Variants in HRNR observed in about 807,000 individuals in gnomAD.
HRNR encodes the protein filaggrin family member 3.
HRNR carries 7 observed loss-of-function variants against 4.8 expected under a neutral mutation model. That is an observed-to-expected ratio of 1.47 (90% CI 0.83 to 2.75). The LOEUF (loss-of-function observed/expected upper bound fraction) is 2.75. Among genes scored for constraint, HRNR ranks in the 30% most tolerant of loss-of-function variants. The pLI is 0.00. For missense variants in HRNR, 2,879 were observed against 3,010.4 expected (o/e 0.96, Z 1.02); for synonymous variants, 1,023 against 1,242.7 (o/e 0.82, Z 3.72).
In HRNR at chr1:152,212,914, A is replaced by G; in HGVS notation, c.*162T>C. The G allele has an allele frequency of 1.0e-6, 1 of 954,902 alleles. No homozygotes were observed. Among genetic ancestry groups the G allele is most frequent in the South Asian group, 1.8e-5 (1 of 55,666 alleles). The allele number at this position is 954,902 out of a possible 1,614,324, so 59.2% of individuals were successfully genotyped here. ...TCTTTGGAAGGAACCCCATAACAAG[A>G]TATATGCTACAGTTTTAGGCTCTAA... On this transcript the variant is annotated 3_prime_UTR_variant, in exon 3 of 3. Transcript: ENST00000368801.
rs201963229 is a variant in HRNR, at chr1:152,219,194, C to T, written c.2435G>A (p.Gly812Asp). The change falls in exon 3 of 3, where the codon GGC becomes GAC. Residue 812 changes from glycine to aspartate, a missense_variant. Physicochemically the swap from Gly to Asp is moderately conservative, Grantham distance 94 (BLOSUM62 -1). This residue lies in a region of HRNR where 2,646 missense variants were observed against 1,377.7 expected (regional missense o/e 1.92). Coordinates refer to ENST00000368801, the MANE Select transcript of HRNR (RefSeq NM_001009931.3). ...GTGTTGCCCAAAACCAGAAGCCTGG[C>T]CTGAGCCAGACTCATAATGGCCACA... is the stretch of plus-strand genomic sequence containing the variant. Reference protein sequence around the residue: ...SSCGHYESGSGQASGFGQHES... With the variant: ...SSCGHYESGSDQASGFGQHES... The T allele has an allele frequency of 3.1e-6, 5 of 1,613,908 alleles. No homozygotes were observed. Among genetic ancestry groups the T allele is most frequent in the Middle Eastern group, 3.3e-4 (2 of 6,084 alleles).
chr1:152,220,794 A>T lies in HRNR; in HGVS notation c.835T>A (p.Ser279Thr), dbSNP rs1439180765. 1 of 1,613,396 alleles carries T rather than the reference A, an allele frequency of 6.2e-7. No individual in the cohort carries two copies. Among genetic ancestry groups the T allele is most frequent in the Non-Finnish European group, 8.5e-7 (1 of 1,179,892 alleles). ...RGERHRSSSG[S>T]SSSYGQHGSG... ...CCATGCTGACCATAGCTGGAAGACG[A>T]ACCTGAGCTAGATCTGTGTCGTTCA... Residue 279 changes from serine to threonine, a missense_variant, in exon 3 of 3, where the codon TCG (serine) becomes ACG (threonine). By Grantham distance (58) the Ser-to-Thr change is moderately conservative (BLOSUM62 1). Around this residue, in one of 8 missense-constraint regions of HRNR, gnomAD observed 2,646 missense variants for 1,377.7 expected, o/e 1.92. Transcript: ENST00000368801.
Position 152,213,165 on chromosome 1 carries a change from C to G in HRNR, c.8464G>C (p.Gly2822Arg). The G allele has an allele frequency of 6.2e-7, 1 of 1,614,028 alleles. No homozygotes were observed. Among genetic ancestry groups the G allele is most frequent in the Non-Finnish European group, 8.5e-7 (1 of 1,180,040 alleles). The change falls in exon 3 of 3, where the codon GGA becomes CGA. Residue 2822 changes from glycine (G) to arginine (R), a missense_variant. Around this residue, in one of 8 missense-constraint regions of HRNR, gnomAD observed 158 missense variants for 107.6 expected, o/e 1.47. Transcript: ENST00000368801. ...CTGAGAAAATATGAGCCAGAACTTC[C>G]CCCATCATGGTTACTTCCTCCTTTG... is the stretch of plus-strand genomic sequence containing the variant. ...YCKGGSNHDG[G>R]SSGSYFLSFP...
In HRNR at chr1:152,221,361, C is replaced by T. The variant is rs1199438294; in HGVS notation, c.268G>A (p.Gly90Ser). 2 of 1,613,944 alleles carry T rather than the reference C, an allele frequency of 1.2e-6. No individual in the cohort carries two copies. The highest frequency in any genetic ancestry group is 1.7e-6 in the Non-Finnish European group (2 of 1,180,022). ...CCTGAAACTTGGCAGTAATCTTTGC[C>T]AATGATTTTATTACGAGCCTGAACC... is the stretch of plus-strand genomic sequence containing the variant. ...KLVQARNKIIGKDYCQVSGSK... is the reference protein window; with the variant it reads ...KLVQARNKIISKDYCQVSGSK... The change falls in exon 3 of 3, where the codon GGC (glycine) becomes AGC (serine). Residue 90 changes from glycine to serine, a missense_variant. Transcript: ENST00000368801.
intron 1 of HRNR, 93 bp from the exon 2 acceptor site, chr1:152,223,371 G>C: frequency 1.4e-6 from 1 of 710,458 alleles, no homozygotes; most frequent in Non-Finnish European, 2.1e-6. Context: ...TAATTGTTCA[G>C]AATTAGTCAG....
chr1:152,218,947 G>A lies in HRNR; in HGVS notation c.2682C>T (p.Gly894=). 2.5e-6 allele frequency: 4 copies of A among 1,613,914 alleles called. No homozygotes were observed. The highest frequency in any genetic ancestry group is 2.2e-5 in the East Asian group (1 of 44,876). Residue 894 remains glycine (G), a synonymous_variant, in exon 3 of 3, where the codon GGC becomes GGT. Coordinates refer to ENST00000368801, the MANE Select transcript of HRNR (RefSeq NM_001009931.3). The stretch of plus-strand genomic sequence containing the variant: ...ACTGCCCTGACCCAGACCCACGCTG[G>A]CCGTGGCCTGGAGACTGGCCAGATC... ...GSGSGQSPGH[G]QRGSGSGQSP...
chr1:152,220,147 G>A lies in HRNR; in HGVS notation c.1482C>T (p.His494=), dbSNP rs77355406. The part of the protein sequence containing the change: ...GSGHSSGHGQ[H]GSRSGQSSRG... ...TAGATGACTGTCCTGACCTAGAGCC[G>A]TGTTGTCCGTGGCCGGAGGAGTGAC... The change falls in exon 3 of 3, where the codon CAC becomes CAT. Residue 494 remains histidine (H), a synonymous_variant. Transcript: ENST00000368801. 38 of 1,613,226 alleles carry A rather than the reference G, an allele frequency of 2.4e-5. No individual in the cohort carries two copies. Among genetic ancestry groups the A allele is most frequent in the East Asian group, 1.8e-4 (8 of 44,838 alleles).
In HRNR at chr1:152,221,052, C is replaced by T. The variant is rs145132244; in HGVS notation, c.577G>A (p.Gly193Ser). 122 of 1,613,382 alleles carry T rather than the reference C, an allele frequency of 7.6e-5. No homozygotes were observed. Among genetic ancestry groups the T allele is most frequent in the East Asian group, 6.9e-4 (31 of 44,864 alleles). ...NSDSHQSSGR[G>S]QCGSGSGQSP... is the part of the protein sequence containing the mutation. ...TGCCCTGACCCAGACCCACATTGGC[C>T]GCGGCCTGAAGACTGATGGGAGTCG... Residue 193 changes from glycine to serine, a missense_variant, in exon 3 of 3, where the codon GGC becomes AGC. Physicochemically the swap from Gly to Ser is moderately conservative, Grantham distance 56. Around this residue, in one of 8 missense-constraint regions of HRNR, gnomAD observed 2,646 missense variants for 1,377.7 expected, o/e 1.92. Transcript: ENST00000368801.
At position 152,221,247 on chromosome 1, in the gene HRNR, T is replaced by C; in HGVS notation, c.382A>G (p.Ser128Gly). The change falls in exon 3 of 3, where the codon AGT (serine) becomes GGT (glycine). Residue 128 changes from serine to glycine, a missense_variant. By Grantham distance (56) the Ser-to-Gly change is moderately conservative. Coordinates refer to ENST00000368801, the MANE Select transcript of HRNR (RefSeq NM_001009931.3). ...TCTCCTGCACTCCAACTTGAATGAC[T>C]AAAAGAGGATTCTTGCCGTTTGTTC... ...EENKRQESSF[S>G]HSSWSAGEND... 6.2e-7 allele frequency: 1 copy of C among 1,614,138 alleles called. No homozygotes were observed. Among genetic ancestry groups the C allele is most frequent in the Non-Finnish European group, 8.5e-7 (1 of 1,180,032 alleles).
intron 2 of HRNR, among the ~76,000 whole-genome samples, chr1:152,222,716 T>C (rs1338998861): frequency 6.6e-6 from 1 of 152,218 alleles, no homozygotes; most frequent in Non-Finnish European, 1.5e-5. Context: ...GAGTCTGATA[T>C]AAGGTCCCAA....
chr1:152,223,467 A>C (rs1649069587), intron 1 of HRNR, among the ~76,000 whole-genome samples, 189 bp from the exon 2 acceptor site: 7 of 152,224 alleles, frequency 4.6e-5, no homozygotes, highest in Admixed American at 4.6e-4. Context: ...GAGTGATGAA[A>C]TTAGGAATAT....
chr1:152,213,134 G>C lies in HRNR; in HGVS notation c.8495C>G (p.Pro2832Arg). The C allele has an allele frequency of 6.2e-7, 1 of 1,613,960 alleles. No homozygotes were observed. Among genetic ancestry groups the C allele is most frequent in the African/African-American group, 1.3e-5 (1 of 75,044 alleles). ...GSSGSYFLSFPSSTSPYEYVQ... is the reference protein window; with the variant it reads ...GSSGSYFLSFRSSTSPYEYVQ... ...ATATTCATAGGGTGAAGTGCTACTA[G>C]GAAAACTGAGAAAATATGAGCCAGA... Residue 2832 changes from proline to arginine, a missense_variant, in exon 3 of 3, where the codon CCT (proline) becomes CGT (arginine). Coordinates refer to ENST00000368801, the MANE Select transcript of HRNR (RefSeq NM_001009931.3).
At position 152,219,413 on chromosome 1, in the gene HRNR, C is replaced by G; in HGVS notation, c.2216G>C (p.Ser739Thr). 2 of 1,614,054 alleles carry G rather than the reference C, an allele frequency of 1.2e-6. No homozygotes were observed. Among genetic ancestry groups the G allele is most frequent in the Non-Finnish European group, 8.5e-7 (1 of 1,180,004 alleles). ...ACCTGAGCTAGATCCGTGTTGTTCA[C>G]TCCTAGATGACTGTCCTGACCTAGA... is the stretch of plus-strand genomic sequence containing the variant. The part of the protein sequence containing the change: ...HGSRSGQSSR[S>T]EQHGSSSGLS... The change falls in exon 3 of 3, where the codon AGT becomes ACT. Residue 739 changes from serine (S) to threonine (T), a missense_variant. This residue lies in a region of HRNR where 2,646 missense variants were observed against 1,377.7 expected (regional missense o/e 1.92). Coordinates refer to ENST00000368801, the MANE Select transcript of HRNR (RefSeq NM_001009931.3).
chr1:152,218,962 C>G lies in HRNR; in HGVS notation c.2667G>C (p.Gln889His), dbSNP rs771978471. ...ACCCACGCTGGCCGTGGCCTGGAGA[C>G]TGGCCAGATCCAGAGCCATGTCGGC... is the stretch of plus-strand genomic sequence containing the variant. ...GRGRHGSGSG[Q>H]SPGHGQRGSG... The change falls in exon 3 of 3, where the codon CAG becomes CAC. Residue 889 changes from glutamine to histidine, a missense_variant. Physicochemically the swap from Gln to His is conservative, Grantham distance 24. This residue lies in a region of HRNR where 2,646 missense variants were observed against 1,377.7 expected (regional missense o/e 1.92). Coordinates refer to ENST00000368801, the MANE Select transcript of HRNR (RefSeq NM_001009931.3). 16 of 1,613,814 alleles carry G rather than the reference C, an allele frequency of 9.9e-6. 1 individual carries two copies. The highest frequency in any genetic ancestry group is 8.8e-5 in the South Asian group (8 of 91,014).
intron 2 of HRNR, among the ~76,000 whole-genome samples, chr1:152,222,408 C>T (rs1649029648): frequency 6.6e-6 from 1 of 152,078 alleles, no homozygotes; most frequent in Non-Finnish European, 1.5e-5. Context: ...GCATCCAATG[C>T]TGAGAGTAGA....
Position 152,221,428 on chromosome 1 carries a change from C to A in HRNR, c.201G>T (p.Lys67Asn). 3 of 1,613,414 alleles carry A rather than the reference C, an allele frequency of 1.9e-6. No individual in the cohort carries two copies. Among genetic ancestry groups the A allele is most frequent in the Non-Finnish European group, 2.5e-6 (3 of 1,179,702 alleles). ...ILQSLDRDHNKKVDFTEYLLM... is the reference protein window; with the variant it reads ...ILQSLDRDHNNKVDFTEYLLM... ...GAAGATACTCAGTAAAATCCACTTTCTTGTTATGGTCTCGATCCAGACTTT... is the reference window on the plus strand; with the variant it reads ...GAAGATACTCAGTAAAATCCACTTTATTGTTATGGTCTCGATCCAGACTTT... Residue 67 changes from lysine to asparagine, a missense_variant, in exon 3 of 3, where the codon AAG becomes AAT. Coordinates refer to ENST00000368801, the MANE Select transcript of HRNR (RefSeq NM_001009931.3).
intron 2 of HRNR, 47 bp downstream of exon 2, chr1:152,223,069 A>G: frequency 1.9e-6 from 3 of 1,590,686 alleles, no homozygotes; most frequent in Non-Finnish European, 2.6e-6. Context: ...GGAAAGGGAT[A>G]AAGAAGAAAA....
At position 152,219,223 on chromosome 1, in the gene HRNR, G is replaced by A. The variant is rs867927171; in HGVS notation, c.2406C>T (p.Ser802=). ...GQHGSGTSCS[S]SCGHYESGSG... Reference sequence around the variant, plus strand: ...AGCCAGACTCATAATGGCCACAGCTGGAAGAACAACTTGTGCCAGACCCGT... The same window carrying A: ...AGCCAGACTCATAATGGCCACAGCTAGAAGAACAACTTGTGCCAGACCCGT... Residue 802 remains serine, a synonymous_variant, in exon 3 of 3, where the codon TCC becomes TCT. Transcript: ENST00000368801. 1 of 1,613,610 alleles carries A rather than the reference G, an allele frequency of 6.2e-7. No homozygotes were observed. Among genetic ancestry groups the A allele is most frequent in the African/African-American group, 1.3e-5 (1 of 74,918 alleles).
Position 152,221,332 on chromosome 1 carries a change from T to G in HRNR, c.297A>C (p.Ser99=). The change falls in exon 3 of 3, where the codon TCA becomes TCC. Residue 99 remains serine (S), a synonymous_variant. Transcript: ENST00000368801. ...IGKDYCQVSG[S]KLRDDTHQHQ... ...GCTGGTGAGTGTCATCTCTCAGCTT[T>G]GACCCTGAAACTTGGCAGTAATCTT... 2 of 1,614,034 alleles carry G rather than the reference T, an allele frequency of 1.2e-6. No individual in the cohort carries two copies. Among genetic ancestry groups the G allele is most frequent in the Non-Finnish European group, 1.7e-6 (2 of 1,180,036 alleles).
Sources: allele counts gnomAD v4.1 joint callset (sites outside exome capture counted in the v4.1 genomes callset), GRCh38; gene constraint gnomAD v4.1.1; regional missense constraint gnomAD v4.1.1; transcripts MANE v1.5; gene names NCBI Gene and HGNC (gene_info 2026-07-23, HGNC 2026-07-21).